The following DLG2 variants were observed in gnomAD, a reference collection of about 807,000 sequenced individuals.
DLG2 encodes the protein discs large MAGUK scaffold protein 2, also known as disks large homolog 2.
A neutral mutation model predicts 132.5 loss-of-function variants in DLG2; 45 were observed. The ratio of observed to expected loss-of-function variants is 0.34; its 90% CI spans 0.27 to 0.44. The LOEUF (loss-of-function observed/expected upper bound fraction) is 0.44. Ranked by LOEUF, DLG2 falls within the 20% of genes least tolerant of loss-of-function variation. DLG2 has a pLI of 1.00. For synonymous variants in DLG2, 424 were observed against 419.6 expected, an observed-to-expected ratio of 1.01 and a Z score of -0.13; for missense variants, 1,045 against 1,196.9, an observed-to-expected ratio of 0.87 and a Z score of 1.87.
intron 9 of DLG2, among the ~76,000 whole-genome samples, chr11:84,119,611 A>G (rs940783197): frequency 6.6e-6 from 1 of 152,122 alleles, no homozygotes; most frequent in African/African-American, 2.4e-5. Flanking sequence ...GAAGTTATAC[A>G]GAAAAAAGCA....
chr11:84,545,270 GT>G, intron 6 of DLG2: 1 of 496,328 alleles, frequency 2.0e-6, no homozygotes, highest in South Asian at 1.6e-5. Context: ...CTCCTCATGG[GT>G]CCAAAATTTG....
chr11:83,884,142 T>C (rs952138611), intron 15 of DLG2, among the ~76,000 whole-genome samples: 3 of 152,206 alleles, frequency 2.0e-5, no homozygotes, highest in African/African-American at 4.8e-5. Flanking sequence ...GGGCGAGGCA[T>C]TGCCTCACTT....
intron 6 of DLG2, among the ~76,000 whole-genome samples, chr11:84,956,078 A>C (rs1185576181): frequency 6.6e-6 from 1 of 152,168 alleles, no homozygotes; most frequent in African/African-American, 2.4e-5. Flanking sequence ...CCTGTGGTTT[A>C]TGATTTCAGA....
intron 6 of DLG2, among the ~76,000 whole-genome samples, chr11:84,993,006 C>T (rs890115753): frequency 1.3e-5 from 2 of 152,158 alleles, no homozygotes; most frequent in Non-Finnish European, 2.9e-5. Flanking sequence ...CATACAATAG[C>T]AAAGACTTGG....
At chr11:85,530,447 A>G (rs2075125075) in intron 3 of DLG2, among the ~76,000 whole-genome samples, 1 of 151,042 alleles carries the variant, frequency 6.6e-6, no homozygotes, top group South Asian at 2.1e-4. Flanking sequence ...CAGCCTTCTG[A>G]TTAGTTGCAA....
intron 21 of DLG2, among the ~76,000 whole-genome samples, chr11:83,505,132 A>G (rs1183883879): frequency 6.6e-6 from 1 of 152,202 alleles, no homozygotes; most frequent in East Asian, 1.9e-4. Context: ...AGGCATACCC[A>G]TATCCAGAGT....
chr11:83,907,000 A>G (rs1208787006), intron 15 of DLG2, among the ~76,000 whole-genome samples: 1 of 152,186 alleles, frequency 6.6e-6, no homozygotes, highest in Admixed American at 6.5e-5. Context: ...GCTAAGAAGG[A>G]AGAGCCAGTT....
At chr11:84,244,465 C>T (rs963040818) in intron 8 of DLG2, among the ~76,000 whole-genome samples, 10 of 152,158 alleles carry the variant, frequency 6.6e-5, no homozygotes, top group African/African-American at 2.2e-4. Flanking sequence ...GGATTACAGG[C>T]GTGAGCCCAC....
chr11:83,932,323 C>T (rs2080430815), intron 14 of DLG2, among the ~76,000 whole-genome samples: 1 of 151,958 alleles, frequency 6.6e-6, no homozygotes, highest in Non-Finnish European at 1.5e-5. Flanking sequence ...CAAACTCCGC[C>T]TCCTGGGTTC....
At chr11:83,773,122 T>C (rs1411973569) in intron 18 of DLG2, among the ~76,000 whole-genome samples, 1 of 152,164 alleles carries the variant, frequency 6.6e-6, no homozygotes, top group African/African-American at 2.4e-5. Flanking sequence ...GATAATAAAA[T>C]TAATTAGAGT....
chr11:85,496,975 C>T (rs1048788299), intron 3 of DLG2, among the ~76,000 whole-genome samples: 2 of 152,040 alleles, frequency 1.3e-5, no homozygotes, highest in African/African-American at 4.8e-5. Flanking sequence ...CGGGGAGAAA[C>T]CACAGCAGAA....
intron 7 of DLG2, among the ~76,000 whole-genome samples, chr11:84,262,816 T>C (rs1360114700): frequency 1.3e-5 from 2 of 152,182 alleles, no homozygotes; most frequent in African/African-American, 2.4e-5. Context: ...CATAGAATAA[T>C]AGTCTACTGT....
At chr11:85,100,493 C>G (rs1333183946) in intron 6 of DLG2, among the ~76,000 whole-genome samples, 2 of 152,078 alleles carry the variant, frequency 1.3e-5, no homozygotes, top group Non-Finnish European at 2.9e-5. Flanking sequence ...TGCTTGACTC[C>G]AAAACTCATG....
At chr11:83,480,981 C>G (rs184615548) in intron 22 of DLG2, among the ~76,000 whole-genome samples, 10 of 152,232 alleles carry the variant, frequency 6.6e-5, no homozygotes, top group Admixed American at 4.6e-4. Flanking sequence ...TTTTCTGCTT[C>G]AGTGAGTGAG....
intron 7 of DLG2, among the ~76,000 whole-genome samples, chr11:84,400,811 T>C (rs1393188354): frequency 6.6e-6 from 1 of 152,164 alleles, no homozygotes; most frequent in Non-Finnish European, 1.5e-5. Context: ...TTGATTATAG[T>C]TGTGTATTTT....
chr11:83,481,221 T>C (rs1489776195), intron 22 of DLG2, among the ~76,000 whole-genome samples: 1 of 152,124 alleles, frequency 6.6e-6, no homozygotes, highest in African/African-American at 2.4e-5. Flanking sequence ...AAATTGTTTT[T>C]TCATACATAG....
At chr11:84,282,570 T>C (rs759880422) in intron 7 of DLG2, among the ~76,000 whole-genome samples, 4 of 152,158 alleles carry the variant, frequency 2.6e-5, no homozygotes, top group Non-Finnish European at 5.9e-5. Context: ...CTTATACTCC[T>C]GGGGCTTATC....
At chr11:84,808,659 G>T (rs1166644377) in intron 6 of DLG2, among the ~76,000 whole-genome samples, 5 of 151,910 alleles carry the variant, frequency 3.3e-5, no homozygotes, top group Non-Finnish European at 7.4e-5. Context: ...AGGACAAGAA[G>T]TGAGTACTAC....
At chr11:84,025,373 A>T (rs994429040) in intron 11 of DLG2, among the ~76,000 whole-genome samples, 40 of 151,936 alleles carry the variant, frequency 2.6e-4, no homozygotes. Context: ...CACAGGAAAG[A>T]CCTGCCCCCA....
Sources: allele counts gnomAD v4.1 joint callset (sites outside exome capture counted in the v4.1 genomes callset), GRCh38; gene constraint gnomAD v4.1.1; transcripts MANE v1.5; gene names NCBI Gene and HGNC (gene_info 2026-07-23, HGNC 2026-07-21).